Variants in CCL19 observed in about 807,000 individuals in gnomAD.
CCL19 encodes C-C motif chemokine 19.
CCL19 carries 5 observed loss-of-function variants against 9.7 expected under a neutral mutation model. That is an observed-to-expected ratio of 0.51 (90% CI 0.27 to 1.08). The LOEUF is 1.08. Ranked by LOEUF, CCL19 falls within the 50% of genes least tolerant of loss-of-function variation. CCL19 has a pLI of 0.12. For synonymous variants in CCL19, 40 were observed against 47.4 expected (o/e 0.84, Z 0.64); for missense variants, 90 against 122.5 (o/e 0.73, Z 1.25).
At position 34,691,126 on chromosome 9, in the gene CCL19, A is replaced by G. The variant is rs1821787544; in HGVS notation, c.14T>C (p.Leu5Pro). MALL[L>P]ALSLLVLWTS... Reference sequence around the variant, plus strand: ...CCAGAGAACCAGCAGGCTGAGGGCCAGTAGCAGGGCCATGGAGGGTGAACA... The same window carrying G: ...CCAGAGAACCAGCAGGCTGAGGGCCGGTAGCAGGGCCATGGAGGGTGAACA... Residue 5 changes from leucine (L) to proline (P), a missense_variant, in exon 1 of 4, where the codon CTG becomes CCG. By Grantham distance (98) the Leu-to-Pro change is moderately conservative. Coordinates refer to ENST00000311925, the MANE Select transcript of CCL19 (RefSeq NM_006274.3). 1 of 1,613,260 alleles carries G rather than the reference A, an allele frequency of 6.2e-7. No individual in the cohort carries two copies. The highest frequency in any genetic ancestry group is 8.5e-7 in the Non-Finnish European group (1 of 1,179,754).
At position 34,690,344 on chromosome 9, in the gene CCL19, T is replaced by C; in HGVS notation, c.50-2A>G. On this transcript the variant is annotated splice_acceptor_variant, in intron 1 of 3. Transcript: ENST00000311925. LOFTEE classifies it high-confidence loss of function. Reference sequence around the variant, plus strand: ...CATTGGTGCCACTCAGAGTTGGGGCTGGGATGGGGAAAGAAGGTGACAGGA... The same window carrying C: ...CATTGGTGCCACTCAGAGTTGGGGCCGGGATGGGGAAAGAAGGTGACAGGA... 1.2e-6 allele frequency: 2 copies of C among 1,611,830 alleles called. No individual in the cohort carries two copies. The highest frequency in any genetic ancestry group is 1.7e-6 in the Non-Finnish European group (2 of 1,179,468).
intron 1 of CCL19, among the ~76,000 whole-genome samples, chr9:34,690,832 G>A (rs1326908806): frequency 6.6e-6 from 1 of 152,176 alleles, no homozygotes; most frequent in African/African-American, 2.4e-5. Context: ...GCAGGAAATA[G>A]AGCTTGCAGA....
In CCL19 at chr9:34,690,014, T is replaced by A. The variant is rs1353369824; in HGVS notation, c.192A>T (p.Thr64=). 1 of 1,613,778 alleles carries A rather than the reference T, an allele frequency of 6.2e-7. No individual in the cohort carries two copies. The highest frequency in any genetic ancestry group is 1.3e-5 in the African/African-American group (1 of 74,836). ...GCRVPAVVFT[T]LRGRQLCAPP... ...GTGCACAGAGCTGGCGGCCCCTCAG[T>A]GTGGTGAACCTGGGGTGAGAGGCCG... Residue 64 remains threonine, a synonymous_variant, in exon 3 of 4, where the codon ACA becomes ACT. Coordinates refer to ENST00000311925, the MANE Select transcript of CCL19 (RefSeq NM_006274.3).
chr9:34,691,054 C>T (rs756078442), intron 1 of CCL19, 37 bp downstream of exon 1: 2 of 1,562,984 alleles, frequency 1.3e-6, no homozygotes, highest in Non-Finnish European at 1.7e-6. Flanking sequence ...TGCCAGCCCC[C>T]CACTGCCTCT....
At chr9:34,690,137 G>A (rs1821777104) in intron 2 of CCL19, 73 bp downstream of exon 2, 3 of 1,593,880 alleles carry the variant, frequency 1.9e-6, no homozygotes, top group Non-Finnish European at 2.6e-6. Flanking sequence ...CATGGAGAAG[G>A]GGAATAAGAA....
chr9:34,689,964 C>T lies in CCL19; in HGVS notation c.242G>A (p.Arg81His), dbSNP rs199848815. Residue 81 changes from arginine (R) to histidine (H), a missense_variant, in exon 3 of 4, where the codon CGC becomes CAC. Physicochemically the swap from Arg to His is conservative, Grantham distance 29. Coordinates refer to ENST00000311925, the MANE Select transcript of CCL19 (RefSeq NM_006274.3). This position sits in a 1 kb window ranked among gnomAD's most constrained non-coding sequence, Gnocchi z 4.1. ...CAPPDQPWVE[R>H]IIQRLQRTSA... ...GGTCCTCTGCAGTCTCTGGATGATG[C>T]GTTCTACCCAGGGCTGGTCTGGGGG... 1.1e-4 allele frequency: 171 copies of T among 1,613,940 alleles called. No homozygotes were observed. Among genetic ancestry groups the T allele is most frequent in the Non-Finnish European group, 1.4e-4 (160 of 1,180,020 alleles).
chr9:34,691,231 G>A lies in CCL19; in HGVS notation c.-92C>T. ...CTGTGTGAGGCTGCAGGGCGACTGG[G>A]ATGCAGGGGTGAAATGCAAGGTGTG... On this transcript the variant is annotated 5_prime_UTR_variant, in exon 1 of 4. Transcript: ENST00000311925. 8.9e-7 allele frequency: 1 copy of A among 1,119,172 alleles called. No individual in the cohort carries two copies. Among genetic ancestry groups the A allele is most frequent in the South Asian group, 1.4e-5 (1 of 72,912 alleles). 69.3% of individuals were successfully genotyped at this position (1,119,172 alleles called of 1,614,324 possible). A position where few individuals can be genotyped will look rare whatever the true frequency, so the allele number is the denominator to read the frequency against.
Position 34,690,197 on chromosome 9 carries a change from C to A in CCL19, c.182+13G>T. On this transcript the variant is annotated intron_variant, in intron 2 of 3. Coordinates refer to ENST00000311925, the MANE Select transcript of CCL19 (RefSeq NM_006274.3). ...AACGGGAGATGAGGCTAGACACCCT[C>A]CCCACAACTCACACTACAGCAGGCA... 1 of 1,613,968 alleles carries A rather than the reference C, an allele frequency of 6.2e-7. No homozygotes were observed. The highest frequency in any genetic ancestry group is 1.1e-5 in the South Asian group (1 of 91,084).
rs1821774545 is a variant in CCL19, at chr9:34,689,934, G to T, written c.272C>A (p.Ala91Asp). ...GCCAGGGAGGGCCAGGCTTGCCTTGGCTGAGGTCCTCTGCAGTCTCTGGAT... is the reference window on the plus strand; with the variant it reads ...GCCAGGGAGGGCCAGGCTTGCCTTGTCTGAGGTCCTCTGCAGTCTCTGGAT... ...RIIQRLQRTS[A>D]KMKRRSS Residue 91 changes from alanine (A) to aspartate (D), a missense_variant, in exon 3 of 4, where the codon GCC becomes GAC. By Grantham distance (126) the Ala-to-Asp change is moderately radical. Coordinates refer to ENST00000311925, the MANE Select transcript of CCL19 (RefSeq NM_006274.3). This position sits in a 1 kb window ranked among gnomAD's most constrained non-coding sequence, Gnocchi z 4.1. The T allele has an allele frequency of 6.2e-7, 1 of 1,614,134 alleles. No individual in the cohort carries two copies. The highest frequency in any genetic ancestry group is 8.5e-7 in the Non-Finnish European group (1 of 1,180,000).
Position 34,690,251 on chromosome 9 carries a change from G to A in CCL19, c.141C>T (p.His47=), listed in dbSNP as rs1480984174. The A allele has an allele frequency of 2.5e-6, 4 of 1,614,088 alleles. No homozygotes were observed. Among genetic ancestry groups the A allele is most frequent in the East Asian group, 4.5e-5 (2 of 44,902 alleles). The change falls in exon 2 of 4, where the codon CAC becomes CAT. Residue 47 remains histidine (H), a synonymous_variant. Transcript: ENST00000311925. ...PIPGYIVRNF[H]YLLIKDGCRV... is the part of the protein sequence containing the mutation. The stretch of plus-strand genomic sequence containing the variant: ...TGCAGCCATCCTTGATGAGAAGGTA[G>A]TGGAAGTTCCTCACGATGTACCCAG...
In CCL19 at chr9:34,689,870, G is replaced by A; in HGVS notation, c.277-31C>T. 6.2e-7 allele frequency: 1 copy of A among 1,614,164 alleles called. No homozygotes were observed. Among genetic ancestry groups the A allele is most frequent in the East Asian group, 2.2e-5 (1 of 44,880 alleles). ...GGAGGAAGGAGAGGAAGGATCATGG[G>A]CTGGAATCTTAGACAGGAGCTCAGA... On this transcript the variant is annotated intron_variant, in intron 3 of 3. Transcript: ENST00000311925. This position sits in a 1 kb window ranked among gnomAD's most constrained non-coding sequence, Gnocchi z 4.1.
rs1405256414 is a variant in CCL19 at position 34,689,866 on chromosome 9, A to C, written c.277-27T>G. ...TAGAGGAGGAAGGAGAGGAAGGATC[A>C]TGGGCTGGAATCTTAGACAGGAGCT... On this transcript the variant is annotated intron_variant, in intron 3 of 3. Coordinates refer to ENST00000311925, the MANE Select transcript of CCL19 (RefSeq NM_006274.3). This position sits in a 1 kb window ranked among gnomAD's most constrained non-coding sequence, Gnocchi z 4.1. 1 of 1,614,178 alleles carries C rather than the reference A, an allele frequency of 6.2e-7. No homozygotes were observed. Among genetic ancestry groups the C allele is most frequent in the Non-Finnish European group, 8.5e-7 (1 of 1,180,028 alleles).
intron 2 of CCL19, 38 bp from the exon 3 acceptor site, chr9:34,690,061 C>A (rs1327666839): frequency 6.3e-7 from 1 of 1,599,996 alleles, no homozygotes; most frequent in South Asian, 1.1e-5. Context: ...GCCCCAGAAT[C>A]CAGCATGCCT....
At position 34,689,876 on chromosome 9, in the gene CCL19, A is replaced by G. The variant is rs757878183; in HGVS notation, c.277-37T>C. ...AGGAGAGGAAGGATCATGGGCTGGAATCTTAGACAGGAGCTCAGAGGGAGG... is the reference window on the plus strand; with the variant it reads ...AGGAGAGGAAGGATCATGGGCTGGAGTCTTAGACAGGAGCTCAGAGGGAGG... On this transcript the variant is annotated intron_variant, in intron 3 of 3. Coordinates refer to ENST00000311925, the MANE Select transcript of CCL19 (RefSeq NM_006274.3). This position sits in a 1 kb window ranked among gnomAD's most constrained non-coding sequence, Gnocchi z 4.1. 2 of 1,614,176 alleles carry G rather than the reference A, an allele frequency of 1.2e-6. No homozygotes were observed. The highest frequency in any genetic ancestry group is 2.7e-5 in the African/African-American group (2 of 75,036).
At chr9:34,690,950 G>T in intron 1 of CCL19, 141 bp downstream of exon 1, 1 of 686,678 alleles carries the variant, frequency 1.5e-6, no homozygotes. Context: ...GGACCTGCCA[G>T]GCTCACCGAA....
chr9:34,689,898 G>C lies in CCL19; in HGVS notation c.276+32C>G, dbSNP rs1821774277. Reference sequence around the variant, plus strand: ...GGAATCTTAGACAGGAGCTCAGAGGGAGGAGACAGGGCCAGGGAGGGCCAG... The same window carrying C: ...GGAATCTTAGACAGGAGCTCAGAGGCAGGAGACAGGGCCAGGGAGGGCCAG... On this transcript the variant is annotated intron_variant, in intron 3 of 3. Coordinates refer to ENST00000311925, the MANE Select transcript of CCL19 (RefSeq NM_006274.3). This position sits in a 1 kb window ranked among gnomAD's most constrained non-coding sequence, Gnocchi z 4.1. 1 of 1,613,966 alleles carries C rather than the reference G, an allele frequency of 6.2e-7. No individual in the cohort carries two copies. The highest frequency in any genetic ancestry group is 1.3e-5 in the African/African-American group (1 of 74,932).
chr9:34,691,049 G>C, intron 1 of CCL19, 42 bp downstream of exon 1: 1 of 1,539,884 alleles, frequency 6.5e-7, no homozygotes, highest in South Asian at 1.2e-5. Context: ...CCCACTGCCA[G>C]CCCCCCACTG....
Position 34,689,965 on chromosome 9 carries a change from G to T in CCL19, c.241C>A (p.Arg81Ser), listed in dbSNP as rs541327893. The T allele has an allele frequency of 1.9e-6, 3 of 1,614,130 alleles. No homozygotes were observed. The highest frequency in any genetic ancestry group is 1.7e-4 in the Middle Eastern group (1 of 6,060). The change falls in exon 3 of 4, where the codon CGC (arginine) becomes AGC (serine). Residue 81 changes from arginine to serine, a missense_variant. Transcript: ENST00000311925. This position sits in a 1 kb window ranked among gnomAD's most constrained non-coding sequence, Gnocchi z 4.1. ...CAPPDQPWVE[R>S]IIQRLQRTSA... is the part of the protein sequence containing the mutation. Reference sequence around the variant, plus strand: ...GTCCTCTGCAGTCTCTGGATGATGCGTTCTACCCAGGGCTGGTCTGGGGGT... The same window carrying T: ...GTCCTCTGCAGTCTCTGGATGATGCTTTCTACCCAGGGCTGGTCTGGGGGT...
chr9:34,691,049 G>GC (rs754286874), intron 1 of CCL19, 42 bp downstream of exon 1: 9 of 1,539,872 alleles, frequency 5.8e-6, no homozygotes, highest in Middle Eastern at 1.7e-4. Context: ...CCCACTGCCA[G>GC]CCCCCCACTG....
Sources: allele counts gnomAD v4.1 joint callset (sites outside exome capture counted in the v4.1 genomes callset), GRCh38; gene constraint gnomAD v4.1.1; non-coding constraint Gnocchi (gnomAD v3.1); transcripts MANE v1.5; gene names NCBI Gene and HGNC (gene_info 2026-07-23, HGNC 2026-07-21).